The following LRIG2 variants were observed in gnomAD, a reference collection of about 807,000 sequenced individuals.
LRIG2 encodes leucine-rich repeats and immunoglobulin-like domains protein 2.
LRIG2 carries 93 observed loss-of-function variants against 107.8 expected under a neutral mutation model. The ratio of observed to expected loss-of-function variants is 0.86; its 90% confidence interval spans 0.73 to 1.03. The LOEUF (loss-of-function observed/expected upper bound fraction) is 1.03, where lower values mean the gene tolerates loss of function less well. Ranked by LOEUF, LRIG2 falls within the 50% of genes least tolerant of loss-of-function variation. The pLI, the probability that LRIG2 is intolerant of heterozygous loss-of-function variation, is 0.00. For missense variants in LRIG2, 1,226 were observed against 1,296.0 expected, an observed-to-expected ratio of 0.95 and a Z score of 0.83; for synonymous variants, 471 against 470.6, an observed-to-expected ratio of 1.00 and a Z score of -0.01.
intron 14 of LRIG2, among the ~76,000 whole-genome samples, chr1:113,113,709 T>C (rs1654877330): frequency 6.6e-6 from 1 of 151,916 alleles, no homozygotes; most frequent in African/African-American, 2.4e-5. Flanking sequence ...ACTACAGGCA[T>C]GTACCACTGC....
At chr1:113,120,099 G>A (rs1456866758) in intron 17 of LRIG2, among the ~76,000 whole-genome samples, 2 of 151,210 alleles carry the variant, frequency 1.3e-5, no homozygotes, top group Non-Finnish European at 2.9e-5. Context: ...GTGAGCCACC[G>A]CACCCGGTAT....
chr1:113,096,760 G>T (rs1190253631), intron 8 of LRIG2, among the ~76,000 whole-genome samples: 1 of 152,178 alleles, frequency 6.6e-6, no homozygotes, highest in Non-Finnish European at 1.5e-5. Context: ...CGTGGTAGGA[G>T]ACCAGTTCAC....
Position 113,128,663 on chromosome 1 carries a change from A to C in LRIG2, c.*4562A>C, listed in dbSNP as rs1027620996. 2.6e-5 allele frequency: 4 copies of C among 152,224 alleles called. No individual in the cohort carries two copies. The highest frequency in any genetic ancestry group is 4.4e-5 in the Non-Finnish European group (3 of 68,044). 9.4% of individuals were successfully genotyped at this position (152,224 alleles called of 1,614,324 possible). On this transcript the variant is annotated 3_prime_UTR_variant, in exon 18 of 18. Coordinates refer to ENST00000361127, the MANE Select transcript of LRIG2 (RefSeq NM_014813.3). ...TTATAGCAGGAGTAATGGTCTAAGA[A>C]ATACTCATTAGGAGAAAAAAATTCT...
chr1:113,112,704 G>C lies in LRIG2; in HGVS notation c.2024G>C (p.Cys675Ser). 1 of 1,612,780 alleles carries C rather than the reference G, an allele frequency of 6.2e-7. No homozygotes were observed. The highest frequency in any genetic ancestry group is 8.5e-7 in the Non-Finnish European group (1 of 1,178,812). The change falls in exon 14 of 18, where the codon TGC becomes TCC. Residue 675 changes from cysteine to serine, a missense_variant. Physicochemically the swap from Cys to Ser is moderately radical, Grantham distance 112. Coordinates refer to ENST00000361127, the MANE Select transcript of LRIG2 (RefSeq NM_014813.3). ...VKIEDMGIYS[C>S]MAQNTAGGLS... ...ATAGAAGATATGGGAATCTATAGCT[G>C]CATGGCACAAAATACAGCAGGAGGT...
intron 17 of LRIG2, 148 bp from the exon 18 acceptor site, chr1:113,123,727 T>TTGTGTG (rs66524955): frequency 0.011 from 6,371 of 592,954 alleles, 2 homozygotes; most frequent in Admixed American, 0.015. Context: ...GTGGTGGTTT[T>TTGTGTG]TGTGTGTGTG....
In LRIG2 at chr1:113,111,472, C is replaced by T. The variant is rs148262687; in HGVS notation, c.1798+910C>T. Among the ~76,000 whole-genome samples the T allele has an allele frequency of 5.2e-3, 789 of 152,242 alleles. 8 individuals carry two copies. Among genetic ancestry groups the T allele is most frequent in the Middle Eastern group, 0.02 (6 of 294 alleles). ...ATGTGTAGTTTTTTATCCCTAGCCC[C>T]CGCTCACCCTCTCCATTCTGAATCT... On this transcript the variant is annotated intron_variant, in intron 13 of 17. Coordinates refer to ENST00000361127, the MANE Select transcript of LRIG2 (RefSeq NM_014813.3).
chr1:113,107,101 G>T (rs1654573047), intron 11 of LRIG2, among the ~76,000 whole-genome samples: 1 of 151,884 alleles, frequency 6.6e-6, no homozygotes, highest in African/African-American at 2.4e-5. Flanking sequence ...TATATGCACA[G>T]TTTTTTTGCT....
intron 17 of LRIG2, 73 bp downstream of exon 17, chr1:113,119,596 A>C: frequency 1.4e-6 from 2 of 1,420,740 alleles, no homozygotes; most frequent in Non-Finnish European, 1.9e-6. Context: ...TCATATAGGT[A>C]GTGCTCTCAT....
At chr1:113,113,709 TG>T (rs1415751704) in intron 14 of LRIG2, among the ~76,000 whole-genome samples, 87 of 152,034 alleles carry the variant, frequency 5.7e-4, no homozygotes, top group African/African-American at 2.0e-3. Flanking sequence ...ACTACAGGCA[TG>T]TACCACTGCG....
chr1:113,073,404 A>G lies in LRIG2; in HGVS notation c.-3A>G, dbSNP rs749430889. The G allele has an allele frequency of 7.4e-6, 12 of 1,611,402 alleles. No homozygotes were observed. The highest frequency in any genetic ancestry group is 1.0e-5 in the Non-Finnish European group (12 of 1,178,088). On this transcript the variant is annotated 5_prime_UTR_variant, in exon 1 of 18. Transcript: ENST00000361127. The stretch of plus-strand genomic sequence containing the variant: ...CTAGGCCACGTCCAGGTCGAGGGGG[A>G]AAATGGCGCCGGCGCCCCTAGGCGT...
In LRIG2 at chr1:113,110,448, A is replaced by G; in HGVS notation, c.1684A>G (p.Thr562Ala). The G allele has an allele frequency of 6.2e-7, 1 of 1,613,906 alleles. No individual in the cohort carries two copies. The highest frequency in any genetic ancestry group is 8.5e-7 in the Non-Finnish European group (1 of 1,179,742). ...WQQAGEALEY[T>A]SILHLFNVNF... ...GCAAGCTGGAGAAGCTCTGGAATATACTAGTATCTTACATCTTTTCAATGT... is the reference window on the plus strand; with the variant it reads ...GCAAGCTGGAGAAGCTCTGGAATATGCTAGTATCTTACATCTTTTCAATGT... The change falls in exon 13 of 18, where the codon ACT (threonine) becomes GCT (alanine). Residue 562 changes from threonine (T) to alanine (A), a missense_variant. Physicochemically the swap from Thr to Ala is moderately conservative, Grantham distance 58. Coordinates refer to ENST00000361127, the MANE Select transcript of LRIG2 (RefSeq NM_014813.3).
chr1:113,094,285 T>C, intron 4 of LRIG2, 54 bp from the exon 5 acceptor site: 2 of 1,403,258 alleles, frequency 1.4e-6, no homozygotes, highest in South Asian at 1.4e-5. Flanking sequence ...TTTCTAGTGG[T>C]AGAATTTTTA....
Position 113,096,022 on chromosome 1 carries a change from G to A in LRIG2, c.947+5G>A, listed in dbSNP as rs769428666. The A allele has an allele frequency of 6.2e-7, 1 of 1,614,144 alleles. No individual in the cohort carries two copies. Among genetic ancestry groups the A allele is most frequent in the Non-Finnish European group, 8.5e-7 (1 of 1,179,980 alleles). ...CTGCCAAAGACTATCCGAACTGTAA[G>A]TGTTGGATAGCATTTCACTGGAGGC... On this transcript the variant is annotated splice_donor_5th_base_variant and intron_variant, in intron 7 of 17. Coordinates refer to ENST00000361127, the MANE Select transcript of LRIG2 (RefSeq NM_014813.3).
intron 11 of LRIG2, among the ~76,000 whole-genome samples, chr1:113,101,299 C>T (rs1389764425): frequency 6.6e-6 from 1 of 152,206 alleles, no homozygotes; most frequent in South Asian, 2.1e-4. Flanking sequence ...AACTCCTGAC[C>T]TCAGGTGATC....
At chr1:113,086,145 A>G (rs977244120) in intron 1 of LRIG2, among the ~76,000 whole-genome samples, 7 of 151,508 alleles carry the variant, frequency 4.6e-5, no homozygotes, top group African/African-American at 1.7e-4. Flanking sequence ...CTGGGATTAC[A>G]GCCACACGCC....
In LRIG2 at chr1:113,119,504, C is replaced by T. The variant is rs780182311; in HGVS notation, c.2952C>T (p.Pro984=). The T allele has an allele frequency of 6.2e-7, 1 of 1,613,968 alleles. No individual in the cohort carries two copies. The highest frequency in any genetic ancestry group is 8.5e-7 in the Non-Finnish European group (1 of 1,179,994). The change falls in exon 17 of 18, where the codon CCC becomes CCT. Residue 984 remains proline (P), a synonymous_variant. Coordinates refer to ENST00000361127, the MANE Select transcript of LRIG2 (RefSeq NM_014813.3). ...AGAGGATAAGTGAGAAGAAACTTCC[C>T]TCCACACAGATGAGCGGTGGTAAGG... The part of the protein sequence containing the change: ...NHERISEKKL[P]STQMSGETLQ...
chr1:113,117,949 C>T (rs539417878), intron 16 of LRIG2, among the ~76,000 whole-genome samples: 1 of 149,438 alleles, frequency 6.7e-6, no homozygotes, highest in South Asian at 2.1e-4. Flanking sequence ...GACAGAGTTT[C>T]ATTCTTGTCA....
intron 1 of LRIG2, among the ~76,000 whole-genome samples, chr1:113,082,520 C>T (rs1477686896): frequency 1.3e-5 from 2 of 152,196 alleles, no homozygotes; most frequent in Non-Finnish European, 2.9e-5. Flanking sequence ...CTGGTGAGGC[C>T]TCAGGGAGCT....
At chr1:113,084,189 A>G (rs973641604) in intron 1 of LRIG2, among the ~76,000 whole-genome samples, 1 of 145,950 alleles carries the variant, frequency 6.9e-6, no homozygotes, top group Non-Finnish European at 1.5e-5. Flanking sequence ...ATGTTAGTTG[A>G]GGAAATCTGT....
Sources: gnomAD v4.1 joint callset for allele counts (sites outside exome capture counted in the v4.1 genomes callset) on GRCh38, gnomAD v4.1.1 for gene constraint, MANE v1.5 for transcripts, NCBI Gene and HGNC (gene_info 2026-07-23, HGNC 2026-07-21) for gene names.